Variants in ARHGEF17 observed in about 807,000 individuals in gnomAD.
ARHGEF17 encodes the protein Rho guanine nucleotide exchange factor 17.
In ARHGEF17, 80 loss-of-function variants were observed where a neutral mutation model predicts 174.0. The ratio of observed to expected loss-of-function variants is 0.46; its 90% CI spans 0.38 to 0.55. ARHGEF17 has a LOEUF of 0.55. Among genes scored for constraint, ARHGEF17 ranks in the 20% least tolerant of loss-of-function variants. The pLI, the probability that ARHGEF17 is intolerant of heterozygous loss-of-function variation, is 0.00. For missense variants in ARHGEF17, 2,886 were observed against 2,839.7 expected (o/e 1.02, Z -0.37); for synonymous variants, 1,311 against 1,189.1 (o/e 1.10, Z -2.11).
At chr11:73,325,409 C>G (rs920911035) in intron 1 of ARHGEF17, among the ~76,000 whole-genome samples, 1 of 152,280 alleles carries the variant, frequency 6.6e-6, no homozygotes, top group African/African-American at 2.4e-5. Flanking sequence ...TAGAGAGGAG[C>G]CCTGCTGGAG....
rs776067249 is a variant in ARHGEF17 at position 73,310,838 on chromosome 11, C to A, written c.2200C>A (p.Leu734Met). Residue 734 changes from leucine to methionine, a missense_variant, in exon 1 of 21, where the codon CTG becomes ATG. Leu to Met is a conservative substitution (Grantham distance 15). This residue lies in a region of ARHGEF17 where 1,728 missense variants were observed against 1,461.2 expected (regional missense o/e 1.18). Transcript: ENST00000263674. ...GGAGGCAGGGGAGGCCTACAGGTCCCTGAGTGACCCAATTCCTCAGCGCCA... is the reference window on the plus strand; with the variant it reads ...GGAGGCAGGGGAGGCCTACAGGTCCATGAGTGACCCAATTCCTCAGCGCCA... ...NGEAGEAYRS[L>M]SDPIPQRHRA... The A allele has an allele frequency of 1.9e-6, 3 of 1,612,082 alleles. No homozygotes were observed. Among genetic ancestry groups the A allele is most frequent in the Non-Finnish European group, 2.5e-6 (3 of 1,179,514 alleles).
intron 1 of ARHGEF17, among the ~76,000 whole-genome samples, chr11:73,346,678 G>A (rs1248543195): frequency 2.0e-5 from 3 of 152,176 alleles, no homozygotes; most frequent in Admixed American, 2.0e-4. Flanking sequence ...TAAGTCGGGG[G>A]CAGGGGGAGC....
Position 73,310,716 on chromosome 11 carries a change from C to G in ARHGEF17, c.2078C>G (p.Ala693Gly), listed in dbSNP as rs1277697734. 2 of 1,613,092 alleles carry G rather than the reference C, an allele frequency of 1.2e-6. No individual in the cohort carries two copies. Among genetic ancestry groups the G allele is most frequent in the South Asian group, 1.1e-5 (1 of 91,072 alleles). The change falls in exon 1 of 21, where the codon GCC becomes GGC. Residue 693 changes from alanine (A) to glycine (G), a missense_variant. By Grantham distance (60) the Ala-to-Gly change is moderately conservative (BLOSUM62 0). Around this residue, in one of 4 missense-constraint regions of ARHGEF17, gnomAD observed 1,728 missense variants for 1,461.2 expected, o/e 1.18. Coordinates refer to ENST00000263674, the MANE Select transcript of ARHGEF17 (RefSeq NM_014786.4). ...PGTEDSLGGW[A>G]LVSPETPPTP... ...ACTGAGGACAGTCTGGGCGGGTGGG[C>G]CCTGGTGTCGCCTGAGACCCCTCCC...
At chr11:73,332,768 C>G (rs1865228888) in intron 1 of ARHGEF17, among the ~76,000 whole-genome samples, 1 of 152,112 alleles carries the variant, frequency 6.6e-6, no homozygotes, top group African/African-American at 2.4e-5. Flanking sequence ...AACTTTTGAG[C>G]AAGGTCCTTA....
rs771561900 is a variant in ARHGEF17, at chr11:73,362,711, C to T, written c.4973C>T (p.Ser1658Phe). Residue 1658 changes from serine (S) to phenylalanine (F), a missense_variant, in exon 14 of 21, where the codon TCC becomes TTC. Transcript: ENST00000263674. ...ACGCTGCAGAGCCAGGCCAGCCGGT[C>T]CACCATCTCCTCCAGCTTTGGCAGT... ...SGTLQSQASR[S>F]TISSSFGNEE... The T allele has an allele frequency of 1.2e-6, 2 of 1,605,006 alleles. No individual in the cohort carries two copies. The highest frequency in any genetic ancestry group is 1.7e-6 in the Non-Finnish European group (2 of 1,177,012).
intron 2 of ARHGEF17, among the ~76,000 whole-genome samples, chr11:73,348,202 C>A (rs1865496403): frequency 6.6e-6 from 1 of 152,206 alleles, no homozygotes; most frequent in African/African-American, 2.4e-5. Context: ...ACATCCAGAG[C>A]ATTCACTCAC....
At chr11:73,335,618 A>ACC (rs1565196268) in intron 1 of ARHGEF17, among the ~76,000 whole-genome samples, 4 of 151,936 alleles carry the variant, frequency 2.6e-5, no homozygotes, top group African/African-American at 9.7e-5. Context: ...AGCCCCTGCC[A>ACC]TGTGGGCCTC....
Position 73,365,201 on chromosome 11 carries a change from G to A in ARHGEF17, c.5551-189G>A, listed in dbSNP as rs866056252. 1.6e-6 allele frequency: 1 copy of A among 625,180 alleles called. No homozygotes were observed. Among genetic ancestry groups the A allele is most frequent in the Non-Finnish European group, 2.8e-6 (1 of 360,974 alleles). 38.7% of individuals were successfully genotyped at this position (625,180 alleles called of 1,614,324 possible). Reference sequence around the variant, plus strand: ...ATCACTCAAGTTTAATGGGGAAAAAGCACCTCCATTGTAATTCCTGAGAAC... The same window carrying A: ...ATCACTCAAGTTTAATGGGGAAAAAACACCTCCATTGTAATTCCTGAGAAC... On this transcript the variant is annotated intron_variant, in intron 18 of 20. Coordinates refer to ENST00000263674, the MANE Select transcript of ARHGEF17 (RefSeq NM_014786.4). The surrounding 1 kb of genome is among the most constrained non-coding windows in gnomAD (Gnocchi z 4.9).
chr11:73,341,559 G>T (rs754128173), intron 1 of ARHGEF17, among the ~76,000 whole-genome samples: 1 of 152,180 alleles, frequency 6.6e-6, no homozygotes, highest in East Asian at 1.9e-4. Context: ...TGATCTGCCC[G>T]CCTCAGCCTC....
chr11:73,351,303 T>C (rs185060140), intron 2 of ARHGEF17, among the ~76,000 whole-genome samples: 9 of 148,930 alleles, frequency 6.0e-5, no homozygotes, highest in African/African-American at 1.3e-4. Context: ...ACATCACATA[T>C]GCTTTTTCAA....
Position 73,310,211 on chromosome 11 carries a change from C to G in ARHGEF17, c.1573C>G (p.Pro525Ala), listed in dbSNP as rs536406441. The G allele has an allele frequency of 6.2e-7, 1 of 1,614,034 alleles. No individual in the cohort carries two copies. Among genetic ancestry groups the G allele is most frequent in the Non-Finnish European group, 8.5e-7 (1 of 1,180,032 alleles). The change falls in exon 1 of 21, where the codon CCA becomes GCA. Residue 525 changes from proline (P) to alanine (A), a missense_variant. Physicochemically the swap from Pro to Ala is conservative, Grantham distance 27. Transcript: ENST00000263674. ...GQLEPIPIPA[P>A]ASPGTRPTLK... Reference sequence around the variant, plus strand: ...ACTTGAACCCATACCCATCCCAGCCCCAGCATCACCTGGCACGCGCCCCAC... The same window carrying G: ...ACTTGAACCCATACCCATCCCAGCCGCAGCATCACCTGGCACGCGCCCCAC...
chr11:73,308,578 G>A lies in ARHGEF17; in HGVS notation c.-61G>A, dbSNP rs956712701. The A allele has an allele frequency of 1.8e-5, 24 of 1,345,138 alleles. No individual in the cohort carries two copies. Among genetic ancestry groups the A allele is most frequent in the Non-Finnish European group, 2.3e-5 (24 of 1,042,970 alleles). The allele number at this position is 1,345,138 out of a possible 1,614,324, so 83.3% of individuals were successfully genotyped here. ...GCCGCTGCGCTCCTAGGGAGTGGGG[G>A]CGCAGGGGGGGTTGGCCGCGGCTGC... On this transcript the variant is annotated 5_prime_UTR_variant, in exon 1 of 21. Transcript: ENST00000263674.
chr11:73,343,950 G>A (rs1279121985), intron 1 of ARHGEF17, among the ~76,000 whole-genome samples: 1 of 152,198 alleles, frequency 6.6e-6, no homozygotes, highest in East Asian at 1.9e-4. Flanking sequence ...TTATTTCTGT[G>A]TGGGGCGGCT....
intron 1 of ARHGEF17, among the ~76,000 whole-genome samples, chr11:73,338,133 G>C (rs1186287892): frequency 2.0e-5 from 3 of 152,132 alleles, no homozygotes; most frequent in Non-Finnish European, 4.4e-5. Context: ...AGAAGAGAGG[G>C]TCTCTAGGAA....
Position 73,330,503 on chromosome 11 carries a change from A to T in ARHGEF17, c.3193-16380A>T, listed in dbSNP as rs184255741. Among the ~76,000 whole-genome samples the T allele has an allele frequency of 1.1e-3, 163 of 152,192 alleles. 1 individual carries two copies. Among genetic ancestry groups the T allele is most frequent in the African/African-American group, 3.8e-3 (158 of 41,498 alleles). On this transcript the variant is annotated intron_variant, in intron 1 of 20. Transcript: ENST00000263674. ...TTTCTGGATGGTTGGTTTTAAGGTG[A>T]GGAATGACTTGGTCAGAATCTTTCT...
chr11:73,326,083 C>T (rs1395793376), intron 1 of ARHGEF17, among the ~76,000 whole-genome samples: 1 of 152,196 alleles, frequency 6.6e-6, no homozygotes, highest in Non-Finnish European at 1.5e-5. Flanking sequence ...CCACTGGTGC[C>T]TGTATGTGCA....
Position 73,362,608 on chromosome 11 carries a change from G to C in ARHGEF17, c.4870G>C (p.Gly1624Arg), listed in dbSNP as rs771106799. The change falls in exon 14 of 21, where the codon GGC (glycine) becomes CGC (arginine). Residue 1624 changes from glycine to arginine, a missense_variant. Physicochemically the swap from Gly to Arg is moderately radical, Grantham distance 125. Coordinates refer to ENST00000263674, the MANE Select transcript of ARHGEF17 (RefSeq NM_014786.4). Reference protein sequence around the residue: ...GSGLEMTPGLGEGDPRPELVP... With the variant: ...GSGLEMTPGLREGDPRPELVP... ...GGGCTTGGAGATGACGCCGGGCCTC[G>C]GCGAGGGTGACCCCCGCCCAGAGCT... 2.5e-6 allele frequency: 4 copies of C among 1,611,018 alleles called. No homozygotes were observed. The highest frequency in any genetic ancestry group is 1.7e-4 in the Middle Eastern group (1 of 6,054).
In ARHGEF17 at chr11:73,362,153, G is replaced by A. The variant is rs1460606827; in HGVS notation, c.4608G>A (p.Glu1536=). Residue 1536 remains glutamate (E), a synonymous_variant, in exon 13 of 21, where the codon GAG becomes GAA. Transcript: ENST00000263674. ...TGTGCCTGCTGAGCCTGCGCGCCGA[G>A]CCGGACGTGGAGGCCTGCATCGCCG... ...GQVCLLSLRA[E]PDVEACIAVC... 1 of 1,605,496 alleles carries A rather than the reference G, an allele frequency of 6.2e-7. No homozygotes were observed. The highest frequency in any genetic ancestry group is 8.5e-7 in the Non-Finnish European group (1 of 1,177,686).
chr11:73,351,844 A>G (rs891359291), intron 2 of ARHGEF17, among the ~76,000 whole-genome samples: 4 of 151,946 alleles, frequency 2.6e-5, no homozygotes, highest in South Asian at 4.2e-4. Context: ...CGACCTCCCA[A>G]AATGCTGGGA....
Sources: allele counts gnomAD v4.1 joint callset (sites outside exome capture counted in the v4.1 genomes callset), GRCh38; gene constraint gnomAD v4.1.1; regional missense constraint gnomAD v4.1.1; non-coding constraint Gnocchi (gnomAD v3.1); transcripts MANE v1.5; gene names NCBI Gene and HGNC (gene_info 2026-07-23, HGNC 2026-07-21).